The following SNCAIP variants were observed in gnomAD, a reference collection of about 807,000 sequenced individuals.
SNCAIP encodes synuclein alpha interacting protein.
A neutral mutation model predicts 86.7 loss-of-function variants in SNCAIP; 43 were observed. The observed-to-expected ratio is 0.50, with a 90% confidence interval of 0.39 to 0.64. The LOEUF is 0.64. Ranked by LOEUF, SNCAIP falls within the 30% of genes least tolerant of loss-of-function variation. SNCAIP has a pLI of 0.00. For missense variants in SNCAIP, 981 were observed against 1,103.1 expected (o/e 0.89, Z 1.57); for synonymous variants, 417 against 427.2 (o/e 0.98, Z 0.29).
At chr5:122,428,963 G>A (rs546384100) in intron 5 of SNCAIP, among the ~76,000 whole-genome samples, 10 of 152,144 alleles carry the variant, frequency 6.6e-5, no homozygotes, top group Non-Finnish European at 1.2e-4. Flanking sequence ...TTAAAGGATC[G>A]AAATGCAAAG....
chr5:122,450,013 A>G (rs1009838559), intron 9 of SNCAIP, 76 bp downstream of exon 9: 182 of 985,656 alleles, frequency 1.8e-4, no homozygotes, highest in Admixed American at 1.1e-3. Context: ...TTCCTTTGAT[A>G]TATTTTAAGA....
intron 7 of SNCAIP, among the ~76,000 whole-genome samples, chr5:122,443,401 T>A (rs1276857074): frequency 6.6e-6 from 1 of 152,234 alleles, no homozygotes; most frequent in Non-Finnish European, 1.5e-5. Context: ...TGGATTTTTT[T>A]AAATTATTAA....
chr5:122,331,589 T>G (rs1755345988), intron 1 of SNCAIP, among the ~76,000 whole-genome samples: 1 of 152,196 alleles, frequency 6.6e-6, no homozygotes, highest in Non-Finnish European at 1.5e-5. Flanking sequence ...TTTCTCACAT[T>G]TGTTAGAGGC....
intron 1 of SNCAIP, among the ~76,000 whole-genome samples, chr5:122,358,668 G>A (rs1186413749): frequency 6.6e-6 from 1 of 152,036 alleles, no homozygotes; most frequent in African/African-American, 2.4e-5. Flanking sequence ...ATGACTGTGG[G>A]TTGTTATTGG....
chr5:122,423,728 A>C lies in SNCAIP; in HGVS notation c.991A>C (p.Ile331Leu). The change falls in exon 4 of 11, where the codon ATC (isoleucine) becomes CTC (leucine). Residue 331 changes from isoleucine (I) to leucine (L), a missense_variant. Transcript: ENST00000261368. ...CTTGAACATTGTTAAAGAAGGACAG[A>C]TCTCTCTCCTGGTAAGTATAATCTA... ...SILNIVKEGQ[I>L]SLLPHLAADN... is the part of the protein sequence containing the mutation. 1.2e-6 allele frequency: 2 copies of C among 1,600,826 alleles called. No homozygotes were observed. Among genetic ancestry groups the C allele is most frequent in the Non-Finnish European group, 1.7e-6 (2 of 1,179,748 alleles).
chr5:122,427,253 T>TA (rs1777557138), intron 5 of SNCAIP, among the ~76,000 whole-genome samples: 1 of 152,202 alleles, frequency 6.6e-6, no homozygotes, highest in African/African-American at 2.4e-5. Context: ...TAGTGGTTGT[T>TA]ACGCCAATCT....
chr5:122,458,181 G>A (rs1202156507), intron 10 of SNCAIP, among the ~76,000 whole-genome samples: 1 of 152,168 alleles, frequency 6.6e-6, no homozygotes, highest in Non-Finnish European at 1.5e-5. Flanking sequence ...TTCCAGGGAG[G>A]CAGGAAATGA....
chr5:122,318,256 T>C (rs1752210990), intron 1 of SNCAIP, among the ~76,000 whole-genome samples: 1 of 152,198 alleles, frequency 6.6e-6, no homozygotes, highest in African/African-American at 2.4e-5. Flanking sequence ...TATTGTTTCT[T>C]CTTTCTCAAA....
intron 1 of SNCAIP, among the ~76,000 whole-genome samples, chr5:122,377,458 A>T (rs1024675486): frequency 3.9e-5 from 6 of 151,962 alleles, no homozygotes; most frequent in Non-Finnish European, 8.8e-5. Flanking sequence ...CTCATTTTAA[A>T]TCACACACAC....
rs1427040355 is a variant in SNCAIP, at chr5:122,450,741, G to A, written c.1894G>A (p.Val632Ile). ...QLLGKEISENVCTQEKLSLEF... is the reference protein window; with the variant it reads ...QLLGKEISENICTQEKLSLEF... The stretch of plus-strand genomic sequence containing the variant: ...ATTGGGAAAGGAAATCTCAGAAAAT[G>A]TCTGCACCCAGGAAAAACTGTCCTT... The change falls in exon 10 of 11, where the codon GTC (valine) becomes ATC (isoleucine). Residue 632 changes from valine (V) to isoleucine (I), a missense_variant. Coordinates refer to ENST00000261368, the MANE Select transcript of SNCAIP (RefSeq NM_005460.4). 1.2e-6 allele frequency: 2 copies of A among 1,614,140 alleles called. No homozygotes were observed. Among genetic ancestry groups the A allele is most frequent in the Non-Finnish European group, 8.5e-7 (1 of 1,179,996 alleles).
At chr5:122,344,679 A>G (rs115486641) in intron 1 of SNCAIP, among the ~76,000 whole-genome samples, 282 of 152,344 alleles carry the variant, frequency 1.9e-3, no homozygotes, top group African/African-American at 6.4e-3. Context: ...GTTAAGCACA[A>G]TATTCCTTTG....
chr5:122,318,855 A>G (rs1200156649), intron 1 of SNCAIP, among the ~76,000 whole-genome samples: 1 of 152,166 alleles, frequency 6.6e-6, no homozygotes, highest in African/African-American at 2.4e-5. Context: ...AGGATATTTA[A>G]TAATTAATAT....
chr5:122,401,188 GC>G, intron 2 of SNCAIP: 2 of 1,458,790 alleles, frequency 1.4e-6, no homozygotes, highest in Non-Finnish European at 1.8e-6. Context: ...TGGGATGAAG[GC>G]CTGGGAAGCC....
chr5:122,414,654 T>C (rs1483005331), intron 3 of SNCAIP, among the ~76,000 whole-genome samples: 1 of 152,208 alleles, frequency 6.6e-6, no homozygotes, highest in Non-Finnish European at 1.5e-5. Flanking sequence ...CGACCACTGA[T>C]TTCTGGGATT....
intron 5 of SNCAIP, among the ~76,000 whole-genome samples, chr5:122,430,120 A>G (rs1018696984): frequency 5.3e-5 from 8 of 152,206 alleles, no homozygotes; most frequent in Non-Finnish European, 1.0e-4. Context: ...AAGAATGAGC[A>G]GATTACCTCA....
At chr5:122,371,542 T>C (rs1764267824) in intron 1 of SNCAIP, 1 of 148,646 alleles carries the variant, frequency 6.7e-6, no homozygotes, top group Admixed American at 6.8e-5. Context: ...ACCTGCATGA[T>C]TTGTATATTA....
rs369483424 is a variant in SNCAIP at position 122,368,646 on chromosome 5, TAATA to T, written c.-46-22439_-46-22436del. 3.0e-3 allele frequency among the ~76,000 whole-genome samples: 452 copies of T among 152,302 alleles called. 3 individuals carry two copies. The highest frequency in any genetic ancestry group is 0.01 in the African/African-American group (434 of 41,568). On this transcript the variant is annotated intron_variant, in intron 1 of 10. Transcript: ENST00000261368. Reference sequence around the variant, plus strand: ...GAAGGATCCAGCTTAGCACCAGGCTTAATAAATCTTAGCTCCTTTCTCCCATCAG... The same window carrying T: ...GAAGGATCCAGCTTAGCACCAGGCTTAATCTTAGCTCCTTTCTCCCATCAG...
intron 7 of SNCAIP, among the ~76,000 whole-genome samples, chr5:122,443,085 G>C (rs1781430926): frequency 6.6e-6 from 1 of 152,162 alleles, no homozygotes; most frequent in Admixed American, 6.5e-5. Context: ...TACTGACATG[G>C]TCTCTGTGAC....
Position 122,463,473 on chromosome 5 carries a change from G to A in SNCAIP, c.2755-18G>A, listed in dbSNP as rs374483515. The A allele has an allele frequency of 1.3e-6, 2 of 1,502,254 alleles. No individual in the cohort carries two copies. Among genetic ancestry groups the A allele is most frequent in the Non-Finnish European group, 1.9e-6 (2 of 1,079,892 alleles). The allele number at this position is 1,502,254 out of a possible 1,614,324, so 93.1% of individuals were successfully genotyped here. A position where few individuals can be genotyped will look rare whatever the true frequency, so the allele number is the denominator to read the frequency against. On this transcript the variant is annotated intron_variant, in intron 10 of 10. Coordinates refer to ENST00000261368, the MANE Select transcript of SNCAIP (RefSeq NM_005460.4). Reference sequence around the variant, plus strand: ...ATAGTTTTATCTAATTTTGGCCTGTGGTTTCTCTTCTGCTTAGGCATAATG... The same window carrying A: ...ATAGTTTTATCTAATTTTGGCCTGTAGTTTCTCTTCTGCTTAGGCATAATG...
Sources: allele counts gnomAD v4.1 joint callset (sites outside exome capture counted in the v4.1 genomes callset), GRCh38; gene constraint gnomAD v4.1.1; transcripts MANE v1.5; gene names NCBI Gene and HGNC (gene_info 2026-07-23, HGNC 2026-07-21).